Variants in ATG4C observed in about 807,000 individuals in gnomAD.
ATG4C encodes cysteine protease ATG4C.
Under a neutral mutation model 57.6 loss-of-function variants are expected in ATG4C, and 56 were observed. The ratio of observed to expected loss-of-function variants is 0.97; its 90% confidence interval spans 0.78 to 1.21. The LOEUF is 1.21. ATG4C is among the 50% of genes most tolerant of loss of function. The pLI, the probability that ATG4C is intolerant of heterozygous loss-of-function variation, is 0.00. For synonymous variants in ATG4C, 157 were observed against 174.1 expected, an observed-to-expected ratio of 0.90 and a Z score of 0.78; for missense variants, 595 against 529.8, an observed-to-expected ratio of 1.12 and a Z score of -1.21.
At chr1:62,792,871 G>A (rs968275942) in intron 1 of ATG4C, among the ~76,000 whole-genome samples, 50 of 147,368 alleles carry the variant, frequency 3.4e-4, no homozygotes, top group African/African-American at 1.2e-3. Context: ...GCAGATCACA[G>A]CTCTCAGGGT....
chr1:62,792,435 G>T (rs942067532), intron 1 of ATG4C, among the ~76,000 whole-genome samples: 2 of 152,166 alleles, frequency 1.3e-5, no homozygotes, highest in Admixed American at 1.3e-4. Flanking sequence ...AGGTTAGGAG[G>T]TATGTCTTTA....
At chr1:62,841,866 C>T (rs1212219547) in intron 10 of ATG4C, among the ~76,000 whole-genome samples, 2 of 152,084 alleles carry the variant, frequency 1.3e-5, no homozygotes, top group African/African-American at 4.8e-5. Flanking sequence ...AAGGGCAATC[C>T]CTTAGGGGTA....
chr1:62,830,206 A>G (rs973652683), intron 7 of ATG4C, among the ~76,000 whole-genome samples: 3 of 152,158 alleles, frequency 2.0e-5, no homozygotes, highest in Admixed American at 1.3e-4. Flanking sequence ...TAATATATCA[A>G]TGACATATTA....
chr1:62,808,259 T>A (rs181306721), intron 3 of ATG4C, among the ~76,000 whole-genome samples: 1 of 152,298 alleles, frequency 6.6e-6, no homozygotes, highest in Admixed American at 6.5e-5. Context: ...ATGATTGGAT[T>A]TGGGGTCTTC....
chr1:62,862,647 G>T (rs906399380), intron 10 of ATG4C, among the ~76,000 whole-genome samples: 2 of 151,710 alleles, frequency 1.3e-5, no homozygotes, highest in Non-Finnish European at 2.9e-5. Context: ...TGAACTATAG[G>T]ATCTGATTTT....
In ATG4C at chr1:62,838,276, G is replaced by A. The variant is rs116394268; in HGVS notation, c.1090-3152G>A. ...ATCTAGTGAATACTCCTTAAAGTGC[G>A]TTTGTCAAGTAGATGCTACTCCTCT... On this transcript the variant is annotated intron_variant, in intron 9 of 10. Transcript: ENST00000317868. Among the ~76,000 whole-genome samples, 737 of 152,086 alleles carry A rather than the reference G, an allele frequency of 4.8e-3. 9 individuals carry two copies. The highest frequency in any genetic ancestry group is 0.017 in the African/African-American group (705 of 41,486).
chr1:62,816,127 T>C (rs769948615), intron 3 of ATG4C, among the ~76,000 whole-genome samples: 3 of 152,180 alleles, frequency 2.0e-5, no homozygotes, highest in Admixed American at 6.5e-5. Context: ...TTATTTTGCC[T>C]TTATTTTTGA....
chr1:62,819,226 G>T lies in ATG4C; in HGVS notation c.616G>T (p.Asp206Tyr). 1 of 1,613,576 alleles carries T rather than the reference G, an allele frequency of 6.2e-7. No homozygotes were observed. The highest frequency in any genetic ancestry group is 8.5e-7 in the Non-Finnish European group (1 of 1,179,684). The change falls in exon 5 of 11, where the codon GAT (aspartate) becomes TAT (tyrosine). Residue 206 changes from aspartate (D) to tyrosine (Y), a missense_variant. By Grantham distance (160) the Asp-to-Tyr change is radical. Coordinates refer to ENST00000317868, the MANE Select transcript of ATG4C (RefSeq NM_032852.4). ...YHRKIISWFG[D>Y]SPLALFGLHQ... is the part of the protein sequence containing the mutation. ...TAGGAAAATCATCTCTTGGTTTGGT[G>T]ATTCCCCCTTGGCTCTTTTTGGCTT... is the stretch of plus-strand genomic sequence containing the variant.
chr1:62,797,937 A>G (rs1487328166), intron 1 of ATG4C, among the ~76,000 whole-genome samples: 1 of 152,148 alleles, frequency 6.6e-6, no homozygotes, highest in Non-Finnish European at 1.5e-5. Context: ...CTTCTGCCAC[A>G]GTCTCCCAAG....
At chr1:62,859,252 A>C (rs1381103819) in intron 10 of ATG4C, among the ~76,000 whole-genome samples, 1 of 152,180 alleles carries the variant, frequency 6.6e-6, no homozygotes, top group Admixed American at 6.5e-5. Flanking sequence ...AGTATATATA[A>C]TGCAAATATT....
intron 7 of ATG4C, among the ~76,000 whole-genome samples, chr1:62,831,606 T>C (rs1291840605): frequency 6.6e-6 from 1 of 150,672 alleles, no homozygotes; most frequent in Admixed American, 6.6e-5. Context: ...ATGTTCTTTT[T>C]CTTCAGTGAG....
chr1:62,795,699 G>A (rs1399691212), intron 1 of ATG4C, among the ~76,000 whole-genome samples: 2 of 152,038 alleles, frequency 1.3e-5, no homozygotes, highest in Non-Finnish European at 2.9e-5. Context: ...GATGGTGATG[G>A]ATGCCCGTAG....
intron 9 of ATG4C, among the ~76,000 whole-genome samples, chr1:62,837,140 T>C (rs528219245): frequency 6.6e-6 from 1 of 152,298 alleles, no homozygotes; most frequent in Non-Finnish European, 1.5e-5. Flanking sequence ...ATTATATACA[T>C]TTCTATTAAT....
In ATG4C at chr1:62,819,348, T is replaced by TA. The variant is rs747492130; in HGVS notation, c.725+17dup. 3 of 1,558,604 alleles carry TA rather than the reference T, an allele frequency of 1.9e-6. No homozygotes were observed. In the African/African-American group the frequency reaches 4.1e-5, roughly 22 times the overall value. ...CTCACATTTTAAGGTAAAATTGTTT[T>TA]AAAATCTTTCTTCTTGTGACAGAGG... On this transcript the variant is annotated intron_variant, in intron 5 of 10. Transcript: ENST00000317868.
At chr1:62,803,141 C>T (rs930742332) in intron 1 of ATG4C, among the ~76,000 whole-genome samples, 2 of 151,982 alleles carry the variant, frequency 1.3e-5, no homozygotes, top group East Asian at 1.9e-4. Context: ...GAACATTTTC[C>T]GTTATAAATT....
At chr1:62,786,336 C>T (rs1186472205) in intron 1 of ATG4C, among the ~76,000 whole-genome samples, 1 of 152,082 alleles carries the variant, frequency 6.6e-6, no homozygotes, top group Non-Finnish European at 1.5e-5. Context: ...TATACTCTAG[C>T]AGAATGTATG....
intron 3 of ATG4C, among the ~76,000 whole-genome samples, chr1:62,809,141 G>A (rs1272317179): frequency 6.6e-6 from 1 of 151,886 alleles, no homozygotes; most frequent in Non-Finnish European, 1.5e-5. Context: ...GTCTCCCTAT[G>A]TTGTCCAGGG....
intron 10 of ATG4C, among the ~76,000 whole-genome samples, chr1:62,853,496 G>T (rs1435310317): frequency 6.6e-6 from 1 of 152,142 alleles, no homozygotes; most frequent in Non-Finnish European, 1.5e-5. Context: ...GCCCAGGCTG[G>T]AGTGCAGTGG....
intron 5 of ATG4C, 67 bp downstream of exon 5, chr1:62,819,402 G>T (rs1187284824): frequency 2.3e-6 from 3 of 1,299,774 alleles, no homozygotes; most frequent in Non-Finnish European, 3.2e-6. Context: ...ACTGATTTTT[G>T]CAATGTGTAT....
Sources: gnomAD v4.1 joint callset for allele counts (sites outside exome capture counted in the v4.1 genomes callset) on GRCh38, gnomAD v4.1.1 for gene constraint, MANE v1.5 for transcripts, NCBI Gene and HGNC (gene_info 2026-07-23, HGNC 2026-07-21) for gene names.